Variants in UCKL1 observed in about 807,000 individuals in gnomAD.
UCKL1 encodes the protein uridine-cytidine kinase-like 1.
UCKL1 carries 65 observed loss-of-function variants against 59.2 expected under a neutral mutation model. That is an observed-to-expected ratio of 1.10 (90% CI 0.90 to 1.35). UCKL1 has a LOEUF of 1.35. UCKL1 is among the 40% of genes most tolerant of loss of function. The pLI is 0.00. For missense variants in UCKL1, 703 were observed against 784.3 expected, an observed-to-expected ratio of 0.90 and a Z score of 1.24; for synonymous variants, 410 against 323.1, an observed-to-expected ratio of 1.27 and a Z score of -2.88.
chr20:63,941,451 TA>T (rs1377905727), intron 8 of UCKL1: 8 of 578,100 alleles, frequency 1.4e-5, no homozygotes, highest in Non-Finnish European at 2.5e-5. Context: ...GGCAGAAAGC[TA>T]GCGGGGTAGG....
chr20:63,947,460 G>A (rs1330663659), intron 1 of UCKL1, among the ~76,000 whole-genome samples: 1 of 152,222 alleles, frequency 6.6e-6, no homozygotes, highest in Non-Finnish European at 1.5e-5. Flanking sequence ...ACCAGACCAG[G>A]TTGTGCGCAC....
In UCKL1 at chr20:63,940,075, G is replaced by C. The variant is rs765640103; in HGVS notation, c.1568-20C>G. ...AGTTCCCTGGAAAAAGGGGGGGGGG[G>C]GTCCAGTGTGGTGGGGCCTCCCAGG... On this transcript the variant is annotated intron_variant, in intron 14 of 14. Coordinates refer to ENST00000354216, the MANE Select transcript of UCKL1 (RefSeq NM_017859.4). The C allele has an allele frequency of 7.0e-6, 11 of 1,562,874 alleles. No individual in the cohort carries two copies. Among genetic ancestry groups the C allele is most frequent in the East Asian group, 4.5e-5 (2 of 44,296 alleles).
In UCKL1 at chr20:63,946,649, G is replaced by A. The variant is rs752028551; in HGVS notation, c.114-6C>T. ...CCAGGGACTCTGCATTGCTGCTGCA[G>A]AGAGGGATGTACTCGGATGTGGCCC... On this transcript the variant is annotated splice_region_variant and splice_polypyrimidine_tract_variant and intron_variant, in intron 1 of 14. Coordinates refer to ENST00000354216, the MANE Select transcript of UCKL1 (RefSeq NM_017859.4). 6.2e-7 allele frequency: 1 copy of A among 1,605,962 alleles called. No homozygotes were observed.
intron 12 of UCKL1, 31 bp from the exon 13 acceptor site, chr20:63,940,516 G>C: frequency 6.2e-7 from 1 of 1,605,832 alleles, no homozygotes; most frequent in African/African-American, 1.3e-5. Context: ...GCTGCAGGTG[G>C]GGCTCCCTGC....
intron 1 of UCKL1, among the ~76,000 whole-genome samples, chr20:63,952,203 G>A (rs971970204): frequency 2.0e-5 from 3 of 152,356 alleles, no homozygotes; most frequent in East Asian, 1.9e-4. Flanking sequence ...GAGCAGGGGC[G>A]CAGAGTCCGG....
intron 8 of UCKL1, among the ~76,000 whole-genome samples, chr20:63,941,955 G>A (rs1265761586): frequency 6.6e-6 from 1 of 150,764 alleles, no homozygotes; most frequent in African/African-American, 2.4e-5. Flanking sequence ...GCAGGGCACG[G>A]AATTGGGTGT....
rs766269810 is a variant in UCKL1 at position 63,956,197 on chromosome 20, G to A, written c.113+63C>T. The A allele has an allele frequency of 1.1e-3, 1,536 of 1,382,232 alleles. 4 individuals are homozygous for A. Among genetic ancestry groups the A allele is most frequent in the Non-Finnish European group, 1.3e-3 (1,399 of 1,053,708 alleles). The allele number at this position is 1,382,232 out of a possible 1,614,324, so 85.6% of individuals were successfully genotyped here. A position where few individuals can be genotyped will look rare whatever the true frequency, so the allele number is the denominator to read the frequency against. Reference sequence around the variant, plus strand: ...GCGGCGGGGACGGACCACCCGCCCAGCTCGGCCGGATCTGCAGCCCCTTCC... The same window carrying A: ...GCGGCGGGGACGGACCACCCGCCCAACTCGGCCGGATCTGCAGCCCCTTCC... On this transcript the variant is annotated intron_variant, in intron 1 of 14. Transcript: ENST00000354216.
chr20:63,952,802 GA>G (rs2057873389), intron 1 of UCKL1, among the ~76,000 whole-genome samples: 1 of 152,140 alleles, frequency 6.6e-6, no homozygotes, highest in African/African-American at 2.4e-5. Flanking sequence ...CAGCACAGTC[GA>G]ATGTGGCTCA....
chr20:63,944,674 G>A lies in UCKL1; in HGVS notation c.715C>T (p.Arg239Cys), dbSNP rs756452688. The change falls in exon 6 of 15, where the codon CGC (arginine) becomes TGC (cysteine). Residue 239 changes from arginine to cysteine, a missense_variant. Arg to Cys is a radical substitution (Grantham distance 180). Coordinates refer to ENST00000354216, the MANE Select transcript of UCKL1 (RefSeq NM_017859.4). The stretch of plus-strand genomic sequence containing the variant: ...CGGCCGCGCTCACTGATGTCCCGGC[G>A]CAGCCGCCGTACCAGGCGGATGTCG... ...DSDIRLVRRL[R>C]RDISERGRDI... 7 of 1,612,680 alleles carry A rather than the reference G, an allele frequency of 4.3e-6. No homozygotes were observed. The highest frequency in any genetic ancestry group is 5.9e-6 in the Non-Finnish European group (7 of 1,179,956).
rs1331988154 is a variant in UCKL1, at chr20:63,956,330, T to G, written c.43A>C (p.Thr15Pro). 1 of 1,553,580 alleles carries G rather than the reference T, an allele frequency of 6.4e-7. No individual in the cohort carries two copies. Among genetic ancestry groups the G allele is most frequent in the South Asian group, 1.2e-5 (1 of 84,796 alleles). ...PARADADPSPTSPPTARDTPG... is the reference protein window; with the variant it reads ...PARADADPSPPSPPTARDTPG... ...GTGTCTCGGGCCGTAGGTGGCGACG[T>G]GGGCGAAGGATCAGCGTCCGCGCGG... The change falls in exon 1 of 15, where the codon ACG (threonine) becomes CCG (proline). Residue 15 changes from threonine to proline, a missense_variant. By Grantham distance (38) the Thr-to-Pro change is conservative. Around this residue, in one of 4 missense-constraint regions of UCKL1, gnomAD observed 398 missense variants for 373.0 expected, o/e 1.07. Coordinates refer to ENST00000354216, the MANE Select transcript of UCKL1 (RefSeq NM_017859.4).
chr20:63,948,402 C>T (rs2056819977), intron 1 of UCKL1: 1 of 151,694 alleles, frequency 6.6e-6, no homozygotes, highest in Admixed American at 6.6e-5. Context: ...GCCAGTTACG[C>T]CCGAAAACGA....
At chr20:63,944,880 G>C in intron 5 of UCKL1, 146 bp from the exon 6 acceptor site, 1 of 1,011,156 alleles carries the variant, frequency 9.9e-7, no homozygotes. Context: ...GGGAGGAGTG[G>C]GGAGGTGGGG....
rs1229238036 is a variant in UCKL1, at chr20:63,944,663, G to A, written c.726C>T (p.Ile242=). 1 of 1,612,786 alleles carries A rather than the reference G, an allele frequency of 6.2e-7. No homozygotes were observed. The change falls in exon 6 of 15, where the codon ATC becomes ATT. Residue 242 remains isoleucine (I), a synonymous_variant. Transcript: ENST00000354216. ...CCTCGATGTCCCGGCCGCGCTCACTGATGTCCCGGCGCAGCCGCCGTACCA... is the reference window on the plus strand; with the variant it reads ...CCTCGATGTCCCGGCCGCGCTCACTAATGTCCCGGCGCAGCCGCCGTACCA... The part of the protein sequence containing the change: ...IRLVRRLRRD[I]SERGRDIEGV...
At chr20:63,943,711 G>T (rs370538839) in intron 7 of UCKL1, 42 bp from the exon 8 acceptor site, 1 of 1,611,992 alleles carries the variant, frequency 6.2e-7, no homozygotes, top group Admixed American at 1.7e-5. Context: ...ACGGTGGCGC[G>T]TCAGTGACCA....
intron 1 of UCKL1, among the ~76,000 whole-genome samples, chr20:63,951,623 A>G (rs1006767935): frequency 6.6e-6 from 1 of 152,180 alleles, no homozygotes; most frequent in African/African-American, 2.4e-5. Flanking sequence ...AGGGACCTGC[A>G]GCCACCCAGG....
intron 5 of UCKL1, 114 bp downstream of exon 5, chr20:63,945,537 C>A: frequency 9.0e-7 from 1 of 1,109,486 alleles, no homozygotes; most frequent in Non-Finnish European, 1.3e-6. Context: ...AGTGGCTGGC[C>A]TAGGCCTATA....
intron 1 of UCKL1, chr20:63,950,812 T>C: frequency 1.3e-6 from 2 of 1,538,776 alleles, no homozygotes; most frequent in Non-Finnish European, 1.8e-6. Flanking sequence ...CAGGGTAAGC[T>C]GGGGGGCTGC....
At chr20:63,952,201 G>T (rs991206341) in intron 1 of UCKL1, among the ~76,000 whole-genome samples, 1 of 152,200 alleles carries the variant, frequency 6.6e-6, no homozygotes, top group Non-Finnish European at 1.5e-5. Flanking sequence ...CTGAGCAGGG[G>T]CGCAGAGTCC....
At chr20:63,953,471 CG>C (rs1397184920) in intron 1 of UCKL1, 1 of 152,154 alleles carries the variant, frequency 6.6e-6, no homozygotes, top group Non-Finnish European at 1.5e-5. Context: ...AGAGGCTGAG[CG>C]GGCAGATCAT....
Sources: allele counts gnomAD v4.1 joint callset (sites outside exome capture counted in the v4.1 genomes callset), GRCh38; gene constraint gnomAD v4.1.1; regional missense constraint gnomAD v4.1.1; transcripts MANE v1.5; gene names NCBI Gene and HGNC (gene_info 2026-07-23, HGNC 2026-07-21).